The following FAF1 variants were observed in gnomAD, a reference collection of about 807,000 sequenced individuals.
FAF1 encodes FAS-associated factor 1.
In FAF1, 25 loss-of-function variants were observed where a neutral mutation model predicts 92.5. The ratio of observed to expected loss-of-function variants is 0.27; its 90% CI spans 0.20 to 0.38. FAF1 has a LOEUF of 0.38. FAF1 is among the 10% of genes least tolerant of loss of function. The pLI is 1.00. For synonymous variants in FAF1, 234 were observed against 273.2 expected, an observed-to-expected ratio of 0.86 and a Z score of 1.42; for missense variants, 636 against 793.3, an observed-to-expected ratio of 0.80 and a Z score of 2.38.
chr1:50,721,539 T>A (rs1658412519), intron 6 of FAF1, among the ~76,000 whole-genome samples: 1 of 152,058 alleles, frequency 6.6e-6, no homozygotes, highest in South Asian at 2.1e-4. Context: ...ACTGAATCAT[T>A]CAGACATTTA....
At chr1:50,704,116 T>G (rs116765752) in intron 7 of FAF1, among the ~76,000 whole-genome samples, 1,983 of 152,328 alleles carry the variant, frequency 0.013, 43 homozygotes, top group African/African-American at 0.044. Flanking sequence ...ATGCCAATTA[T>G]CTGTAAATCA....
intron 4 of FAF1, among the ~76,000 whole-genome samples, chr1:50,771,478 G>T (rs1416545817): frequency 6.6e-6 from 1 of 152,068 alleles, no homozygotes; most frequent in African/African-American, 2.4e-5. Flanking sequence ...GATACTTTTT[G>T]AAAGAAGCCA....
rs139542805 is a variant in FAF1 at position 50,721,771 on chromosome 1, G to A, written c.552-15880C>T. Among the ~76,000 whole-genome samples the A allele has an allele frequency of 2.1e-3, 319 of 152,088 alleles. 3 individuals are homozygous for A. The highest frequency in any genetic ancestry group is 7.6e-3 in the African/African-American group (314 of 41,482). ...CCCAAGTAGCTAGGACTACAGGCACGTGCCACTATGCCTGGCTGATTTTTT... is the reference window on the plus strand; with the variant it reads ...CCCAAGTAGCTAGGACTACAGGCACATGCCACTATGCCTGGCTGATTTTTT... On this transcript the variant is annotated intron_variant, in intron 6 of 18. Transcript: ENST00000396153.
chr1:50,638,688 C>T (rs748108986), intron 8 of FAF1, among the ~76,000 whole-genome samples: 10 of 152,098 alleles, frequency 6.6e-5, no homozygotes, highest in Non-Finnish European at 1.5e-4. Flanking sequence ...TTGTGATCCA[C>T]CCGCCTTGGC....
intron 15 of FAF1, among the ~76,000 whole-genome samples, chr1:50,500,111 C>T (rs1646965277): frequency 1.3e-5 from 2 of 152,112 alleles, no homozygotes; most frequent in South Asian, 2.1e-4. Context: ...ACAGATTCAA[C>T]ATAATTCCAA....
chr1:50,500,867 A>G (rs1646975510), intron 15 of FAF1, among the ~76,000 whole-genome samples: 2 of 152,294 alleles, frequency 1.3e-5, no homozygotes, highest in South Asian at 4.1e-4. Context: ...TAAGCTGTTC[A>G]TCTAACAGTA....
intron 18 of FAF1, chr1:50,469,466 AG>A (rs1162117895): frequency 6.6e-6 from 1 of 152,186 alleles, no homozygotes; most frequent in Non-Finnish European, 1.5e-5. Flanking sequence ...TTTAATGATG[AG>A]ATGCATGTGC....
At chr1:50,491,854 A>C in intron 15 of FAF1, 53 bp from the exon 16 acceptor site, 1 of 1,391,470 alleles carries the variant, frequency 7.2e-7, no homozygotes, top group East Asian at 2.3e-5. Context: ...TTTTGAAAAA[A>C]AAGAGAAAAA....
intron 15 of FAF1, among the ~76,000 whole-genome samples, chr1:50,507,783 A>T (rs1473399145): frequency 2.6e-5 from 4 of 152,204 alleles, no homozygotes; most frequent in Non-Finnish European, 4.4e-5. Flanking sequence ...AAAGGTTTTT[A>T]AAAAATTTTC....
intron 4 of FAF1, among the ~76,000 whole-genome samples, chr1:50,776,432 T>C (rs1328527876): frequency 6.6e-6 from 1 of 152,196 alleles, no homozygotes; most frequent in Non-Finnish European, 1.5e-5. Flanking sequence ...TGTTATATGG[T>C]TTCTCTCTAA....
chr1:50,680,386 C>A (rs1469930257), intron 7 of FAF1, among the ~76,000 whole-genome samples: 1 of 151,814 alleles, frequency 6.6e-6, no homozygotes, highest in Non-Finnish European at 1.5e-5. Context: ...ATTAAGAAAA[C>A]ACTTAGAAAA....
At chr1:50,842,510 A>G (rs1163493262) in intron 2 of FAF1, among the ~76,000 whole-genome samples, 2 of 152,130 alleles carry the variant, frequency 1.3e-5, no homozygotes, top group African/African-American at 4.8e-5. Flanking sequence ...CTTGCCACAC[A>G]CAAAATTCTT....
chr1:50,495,627 G>T (rs902393511), intron 15 of FAF1, among the ~76,000 whole-genome samples: 3 of 152,188 alleles, frequency 2.0e-5, no homozygotes, highest in African/African-American at 7.2e-5. Context: ...TATATACCCA[G>T]CAGTGGGATT....
intron 6 of FAF1, among the ~76,000 whole-genome samples, chr1:50,729,059 T>TATATA (rs1491171349): frequency 0.013 from 480 of 37,684 alleles, 1 homozygote; most frequent in Non-Finnish European, 0.018. Context: ...TATATATATA[T>TATATA]TTTTTTTTTT....
At chr1:50,529,372 A>G (rs181121060) in intron 15 of FAF1, among the ~76,000 whole-genome samples, 2 of 152,362 alleles carry the variant, frequency 1.3e-5, no homozygotes, top group East Asian at 3.9e-4. Context: ...GCTTGCCAAG[A>G]CAAAACAATC....
intron 2 of FAF1, among the ~76,000 whole-genome samples, chr1:50,827,061 C>T (rs1043879434): frequency 5.3e-5 from 8 of 151,988 alleles, no homozygotes; most frequent in Non-Finnish European, 8.8e-5. Context: ...TGCCCAGCCA[C>T]CCCGTCTGGG....
At chr1:50,903,935 T>C (rs937542491) in intron 1 of FAF1, among the ~76,000 whole-genome samples, 1 of 152,188 alleles carries the variant, frequency 6.6e-6, no homozygotes, top group Non-Finnish European at 1.5e-5. Context: ...ACATGAAAAC[T>C]GTATAAAACT....
At chr1:50,618,253 T>C (rs1653019709) in intron 8 of FAF1, among the ~76,000 whole-genome samples, 1 of 152,134 alleles carries the variant, frequency 6.6e-6, no homozygotes, top group African/African-American at 2.4e-5. Context: ...TTTAGAGCTT[T>C]CTAACTAATT....
intron 1 of FAF1, among the ~76,000 whole-genome samples, chr1:50,880,553 A>AC (rs2124688216): frequency 6.6e-6 from 1 of 152,356 alleles, no homozygotes; most frequent in Non-Finnish European, 1.5e-5. Context: ...CTCCACATGT[A>AC]CACACCAAGG....
Sources: gnomAD v4.1 joint callset for allele counts (sites outside exome capture counted in the v4.1 genomes callset) on GRCh38, gnomAD v4.1.1 for gene constraint, MANE v1.5 for transcripts, NCBI Gene and HGNC (gene_info 2026-07-23, HGNC 2026-07-21) for gene names.